CSGALNACT1: variants seen among roughly 807,000 people sequenced by gnomAD.
The protein encoded by CSGALNACT1 is chondroitin sulfate N-acetylgalactosaminyltransferase 1, also known as beta4GalNAcT-1.
A neutral mutation model predicts 51.0 loss-of-function variants in CSGALNACT1; 52 were observed. That is an observed-to-expected ratio of 1.02 (90% CI 0.82 to 1.29). The LOEUF is 1.29. Ranked by LOEUF, CSGALNACT1 falls within the 50% of genes most tolerant of loss-of-function variation. The probability of loss-of-function intolerance (pLI) is 0.00; values close to 1 mark genes in which losing one functional copy is unlikely to be tolerated. For missense variants in CSGALNACT1, 935 were observed against 679.2 expected (o/e 1.38, Z -4.19); for synonymous variants, 341 against 254.4 (o/e 1.34, Z -3.24).
chr8:19,472,683 T>C (rs1263038144), intron 4 of CSGALNACT1, among the ~76,000 whole-genome samples: 4 of 152,266 alleles, frequency 2.6e-5, no homozygotes, highest in Non-Finnish European at 4.4e-5. Flanking sequence ...AACTCTTCTT[T>C]CTTTTCTGTT....
At chr8:19,550,643 C>T (rs2087779294) in intron 3 of CSGALNACT1, among the ~76,000 whole-genome samples, 1 of 152,068 alleles carries the variant, frequency 6.6e-6, no homozygotes, top group South Asian at 2.1e-4. Context: ...CACTGTCTAC[C>T]CTGAAATCTA....
chr8:19,743,620 G>C (rs2064455206), intron 1 of CSGALNACT1, among the ~76,000 whole-genome samples: 1 of 152,182 alleles, frequency 6.6e-6, no homozygotes, highest in Non-Finnish European at 1.5e-5. Context: ...ATGGTGGTTT[G>C]ATATCTAAAA....
intron 3 of CSGALNACT1, among the ~76,000 whole-genome samples, chr8:19,511,112 G>A (rs928016308): frequency 2.6e-5 from 4 of 152,268 alleles, no homozygotes; most frequent in Admixed American, 2.6e-4. Flanking sequence ...AGGCAGAAAG[G>A]ACAGTGGCTT....
At chr8:19,662,748 T>C (rs2058868511) in intron 1 of CSGALNACT1, among the ~76,000 whole-genome samples, 1 of 152,188 alleles carries the variant, frequency 6.6e-6, no homozygotes, top group Non-Finnish European at 1.5e-5. Context: ...TGGTCCACAC[T>C]GGTAATGCTC....
chr8:19,526,314 G>A (rs188716104), intron 3 of CSGALNACT1, among the ~76,000 whole-genome samples: 1 of 152,362 alleles, frequency 6.6e-6, no homozygotes, highest in African/African-American at 2.4e-5. Flanking sequence ...GCCAGGCACA[G>A]TGGCTTACGC....
At chr8:19,587,507 C>A (rs1397667787) in intron 3 of CSGALNACT1, among the ~76,000 whole-genome samples, 1 of 152,290 alleles carries the variant, frequency 6.6e-6, no homozygotes, top group East Asian at 1.9e-4. Flanking sequence ...CCAATATAAA[C>A]AAACCTAAGT....
At chr8:19,478,137 GGGTGC>G (rs148157004) in intron 4 of CSGALNACT1, among the ~76,000 whole-genome samples, 62,793 of 151,476 alleles carry the variant, frequency 0.41, 14,447 homozygotes, top group East Asian at 0.84. Context: ...TGTCTGGGCC[GGGTGC>G]GGTGGCTCAC....
At chr8:19,501,968 G>C (rs1348288586) in intron 4 of CSGALNACT1, among the ~76,000 whole-genome samples, 1 of 152,204 alleles carries the variant, frequency 6.6e-6, no homozygotes, top group Non-Finnish European at 1.5e-5. Flanking sequence ...GGAACATCTG[G>C]GGAAAGGGAA....
chr8:19,441,286 G>C (rs1004627198), intron 5 of CSGALNACT1, among the ~76,000 whole-genome samples: 2 of 152,144 alleles, frequency 1.3e-5, no homozygotes, highest in African/African-American at 4.8e-5. Context: ...AAAGATCAAA[G>C]CCGGAGGCAT....
chr8:19,553,070 C>G (rs2088622296), intron 3 of CSGALNACT1, among the ~76,000 whole-genome samples: 1 of 151,984 alleles, frequency 6.6e-6, no homozygotes. Context: ...AGTTTTGTGC[C>G]CATTTGTTTT....
At chr8:19,482,137 T>G (rs141810785) in intron 4 of CSGALNACT1, among the ~76,000 whole-genome samples, 2 of 152,208 alleles carry the variant, frequency 1.3e-5, no homozygotes, top group African/African-American at 4.8e-5. Context: ...ATTTCCTTCC[T>G]CTCTTTCAGC....
intron 6 of CSGALNACT1, among the ~76,000 whole-genome samples, chr8:19,437,667 T>C (rs1042231238): frequency 2.6e-5 from 4 of 152,214 alleles, no homozygotes; most frequent in South Asian, 2.1e-4. Flanking sequence ...TATAGGTATA[T>C]ACATATACAA....
chr8:19,577,672 G>A (rs1698516603), intron 3 of CSGALNACT1, among the ~76,000 whole-genome samples: 2 of 151,680 alleles, frequency 1.3e-5, no homozygotes, highest in Non-Finnish European at 2.9e-5. Flanking sequence ...GAAAATATAA[G>A]GGCAAATAAG....
In CSGALNACT1 at chr8:19,663,813, T is replaced by C. The variant is rs994902953; in HGVS notation, c.-544+18660A>G. Among the ~76,000 whole-genome samples the C allele has an allele frequency of 3.3e-5, 5 of 152,266 alleles. 1 individual carries two copies. Among genetic ancestry groups the C allele is most frequent in the Admixed American group, 2.0e-4 (3 of 15,288 alleles). The stretch of plus-strand genomic sequence containing the variant: ...GGCATGAGAACAGATAAGAGCCAGA[T>C]AGATAATGCAGCCCTTCTCCTCCAT... On this transcript the variant is annotated intron_variant, in intron 1 of 9. Transcript: ENST00000332246.
At chr8:19,556,396 AAAGAT>A in intron 3 of CSGALNACT1, among the ~76,000 whole-genome samples, 1 of 152,260 alleles carries the variant, frequency 6.6e-6, no homozygotes, top group East Asian at 1.9e-4. Context: ...AAAAAAAAAA[AAAGAT>A]GATTTTATTA....
At chr8:19,551,413 T>G (rs1225845146) in intron 3 of CSGALNACT1, among the ~76,000 whole-genome samples, 1 of 152,188 alleles carries the variant, frequency 6.6e-6, no homozygotes, top group Non-Finnish European at 1.5e-5. Context: ...AGCCAATCTC[T>G]GTGCAGACCC....
intron 6 of CSGALNACT1, among the ~76,000 whole-genome samples, chr8:19,422,221 G>T (rs1187181804): frequency 5.3e-5 from 8 of 152,006 alleles, no homozygotes; most frequent in African/African-American, 1.9e-4. Context: ...ACAGGGTCTT[G>T]CTCTGTCACC....
chr8:19,708,454 C>A (rs186361662), intron 1 of CSGALNACT1, among the ~76,000 whole-genome samples: 1 of 152,330 alleles, frequency 6.6e-6, no homozygotes, highest in East Asian at 1.9e-4. Context: ...AATATATTCA[C>A]AGCGGCACAC....
chr8:19,443,965 C>T (rs180803344), intron 5 of CSGALNACT1, among the ~76,000 whole-genome samples: 26 of 152,288 alleles, frequency 1.7e-4, no homozygotes, highest in Admixed American at 1.6e-3. Flanking sequence ...ATAAGGAACA[C>T]ACAACCTAGA....
Sources: gnomAD v4.1 joint callset for allele counts (sites outside exome capture counted in the v4.1 genomes callset) on GRCh38, gnomAD v4.1.1 for gene constraint, MANE v1.5 for transcripts, NCBI Gene and HGNC (gene_info 2026-07-23, HGNC 2026-07-21) for gene names.